The following SYNPO variants were observed in gnomAD, a reference collection of about 807,000 sequenced individuals.
The protein encoded by SYNPO is synaptopodin.
In SYNPO, 19 loss-of-function variants were observed where a neutral mutation model predicts 49.5. That is an observed-to-expected ratio of 0.38 (90% CI 0.27 to 0.56). The LOEUF is 0.56. Ranked by LOEUF, SYNPO falls within the 20% of genes least tolerant of loss-of-function variation. The pLI, the probability that SYNPO is intolerant of heterozygous loss-of-function variation, is 0.68. For missense variants in SYNPO, 1,131 were observed against 1,248.3 expected, an observed-to-expected ratio of 0.91 and a Z score of 1.42; for synonymous variants, 536 against 548.0, an observed-to-expected ratio of 0.98 and a Z score of 0.31.
At chr5:150,602,031 T>A (rs551956845) in intron 1 of SYNPO, among the ~76,000 whole-genome samples, 28 of 152,278 alleles carry the variant, frequency 1.8e-4, no homozygotes, top group Admixed American at 7.8e-4. Context: ...ACAGCTTCCT[T>A]ATGGCCATCG....
At position 150,648,457 on chromosome 5, in the gene SYNPO, A is replaced by G. The variant is rs998711559; in HGVS notation, c.182A>G (p.Glu61Gly). ...TCCTCACCGGCCCCACCTCCAGCTG[A>G]GGTCCACAGCCCAGCTGCAGATGTC... ...QQSSPAPPPAEVHSPAADVNQ... is the reference protein window; with the variant it reads ...QQSSPAPPPAGVHSPAADVNQ... The change falls in exon 2 of 3, where the codon GAG becomes GGG. Residue 61 changes from glutamate to glycine, a missense_variant. Transcript: ENST00000307662. This position sits in a 1 kb window ranked among gnomAD's most constrained non-coding sequence, Gnocchi z 5.0. The G allele has an allele frequency of 1.2e-6, 2 of 1,614,012 alleles. No individual in the cohort carries two copies. Among genetic ancestry groups the G allele is most frequent in the African/African-American group, 1.3e-5 (1 of 74,896 alleles).
intron 2 of SYNPO, among the ~76,000 whole-genome samples, chr5:150,628,018 TTCTG>T (rs1757414446): frequency 6.9e-6 from 1 of 145,048 alleles, no homozygotes; most frequent in Non-Finnish European, 1.5e-5. Flanking sequence ...GTGTGTGTGT[TTCTG>T]TGTGTGTGTG....
rs935555249 is a variant in SYNPO at position 150,656,503 on chromosome 5, C to T, written c.2128C>T (p.Pro710Ser). ...CTGGGTGAGCCCGGGCCCGTGGGAGCCAGGTCGCGGGAGCAGCATGAGCAG... is the reference window on the plus strand; with the variant it reads ...CTGGGTGAGCCCGGGCCCGTGGGAGTCAGGTCGCGGGAGCAGCATGAGCAG... ...DGWVSPGPWE[P>S]GRGSSMSSPP... Residue 710 changes from proline (P) to serine (S), a missense_variant, in exon 3 of 3, where the codon CCA (proline) becomes TCA (serine). Around this residue, in one of 4 missense-constraint regions of SYNPO, gnomAD observed 509 missense variants for 484.5 expected, o/e 1.05. Coordinates refer to ENST00000307662, the MANE Select transcript of SYNPO (RefSeq NM_007286.6). 8.5e-6 allele frequency: 13 copies of T among 1,532,148 alleles called. No individual in the cohort carries two copies. Among genetic ancestry groups the T allele is most frequent in the Admixed American group, 2.0e-5 (1 of 50,868 alleles). The allele number at this position is 1,532,148 out of a possible 1,614,324, so 94.9% of individuals were successfully genotyped here.
chr5:150,656,726 C>T lies in SYNPO; in HGVS notation c.2351C>T (p.Ser784Phe), dbSNP rs767009298. Reference sequence around the variant, plus strand: ...GGCGCCGAGAACCCGCGGCCCTTCTCCCCGCCGAGGGCGCCACCGCCCCCG... The same window carrying T: ...GGCGCCGAGAACCCGCGGCCCTTCTTCCCGCCGAGGGCGCCACCGCCCCCG... ...SAGAENPRPFSPPRAPPPPPP... is the reference protein window; with the variant it reads ...SAGAENPRPFFPPRAPPPPPP... The change falls in exon 3 of 3, where the codon TCC becomes TTC. Residue 784 changes from serine (S) to phenylalanine (F), a missense_variant. This residue lies in a region of SYNPO where 509 missense variants were observed against 484.5 expected (regional missense o/e 1.05). Coordinates refer to ENST00000307662, the MANE Select transcript of SYNPO (RefSeq NM_007286.6). 4 of 1,359,174 alleles carry T rather than the reference C, an allele frequency of 2.9e-6. No homozygotes were observed. In the Admixed American group the frequency reaches 1.3e-4, roughly 43 times the overall value. 84.2% of individuals were successfully genotyped at this position (1,359,174 alleles called of 1,614,324 possible). A position where few individuals can be genotyped will look rare whatever the true frequency, so the allele number is the denominator to read the frequency against.
intron 1 of SYNPO, among the ~76,000 whole-genome samples, chr5:150,647,005 G>A (rs1290736563): frequency 6.6e-6 from 1 of 152,164 alleles, no homozygotes; most frequent in Non-Finnish European, 1.5e-5. Flanking sequence ...CACTTTGGGA[G>A]GCCGAGGCGG....
chr5:150,588,875 C>A, the SYNPO span, among the ~76,000 whole-genome samples: 1 of 152,078 alleles, frequency 6.6e-6, no homozygotes, highest in African/African-American at 2.4e-5. Context: ...CAACTGAATT[C>A]TTAGTAAAAA....
chr5:150,645,513 G>C lies in SYNPO; in HGVS notation c.-332-2431G>C, dbSNP rs145985201. On this transcript the variant is annotated intron_variant, in intron 1 of 2. Coordinates refer to ENST00000307662, the MANE Select transcript of SYNPO (RefSeq NM_007286.6). ...GTGTGCCAGCTGGCCACTGGGGATA[G>C]AAAGAGAAATGGTTGCCTATGGTGA... Among the ~76,000 whole-genome samples, 350 of 152,348 alleles carry C rather than the reference G, an allele frequency of 2.3e-3. 8 individuals carry two copies. The South Asian group carries it at 0.036, about 16-fold the overall frequency.
chr5:150,601,512 C>CT (rs1479106046), intron 1 of SYNPO, among the ~76,000 whole-genome samples: 1 of 152,194 alleles, frequency 6.6e-6, no homozygotes, highest in Middle Eastern at 3.2e-3. Flanking sequence ...GGGTCATTTG[C>CT]ATCCGTACAA....
upstream of SYNPO, chr5:150,640,044 C>T (rs1757844747): frequency 3.8e-6 from 3 of 785,440 alleles, no homozygotes; most frequent in Non-Finnish European, 4.6e-6. Context: ...GAGCCAGCGT[C>T]TTCTCTAATA....
At chr5:150,614,226 G>A (rs550074511) in intron 1 of SYNPO, among the ~76,000 whole-genome samples, 38 of 152,336 alleles carry the variant, frequency 2.5e-4, no homozygotes, top group African/African-American at 9.1e-4. Context: ...GACATGTCCA[G>A]GGTCAGGCAG....
chr5:150,646,745 A>AT (rs1758107064), intron 1 of SYNPO, among the ~76,000 whole-genome samples: 2 of 142,632 alleles, frequency 1.4e-5, no homozygotes, highest in African/African-American at 6.2e-5. Flanking sequence ...ATAAATACAA[A>AT]TTAAAAAAAG....
chr5:150,627,780 G>A (rs1171698048), intron 2 of SYNPO, among the ~76,000 whole-genome samples: 1 of 152,128 alleles, frequency 6.6e-6, no homozygotes, highest in African/African-American at 2.4e-5. Context: ...CTGGAAGAAT[G>A]GGGAAGCTGG....
rs1236298112 is a variant in SYNPO, at chr5:150,658,938, CTG to C, written c.*1852_*1853del. 65 of 152,500 alleles carry C rather than the reference CTG, an allele frequency of 4.3e-4. No individual in the cohort carries two copies. Among genetic ancestry groups the C allele is most frequent in the African/African-American group, 1.5e-3 (64 of 41,564 alleles). 9.4% of individuals were successfully genotyped at this position (152,500 alleles called of 1,614,324 possible). The stretch of plus-strand genomic sequence containing the variant: ...GCTGGGTCCCTTGTAGCACAGGAGA[CTG>C]GGGCTAAGGGCCCCTCCCAGGGAAG... On this transcript the variant is annotated 3_prime_UTR_variant, in exon 3 of 3. Coordinates refer to ENST00000307662, the MANE Select transcript of SYNPO (RefSeq NM_007286.6).
chr5:150,609,838 C>T (rs1184010553), intron 1 of SYNPO, among the ~76,000 whole-genome samples: 1 of 151,980 alleles, frequency 6.6e-6, no homozygotes, highest in Non-Finnish European at 1.5e-5. Flanking sequence ...TGTGCCAGCC[C>T]TCTCCCCATC....
chr5:150,588,968 C>T, the SYNPO span, among the ~76,000 whole-genome samples: 17 of 152,060 alleles, frequency 1.1e-4, no homozygotes, highest in Non-Finnish European at 2.1e-4. Flanking sequence ...GAGCAATATT[C>T]GAGGCTATAT....
chr5:150,618,874 A>G, intron 2 of SYNPO: 1 of 1,378,522 alleles, frequency 7.3e-7, no homozygotes. Context: ...ACAGTAATTC[A>G]TCACAGTCCC....
intron 1 of SYNPO, among the ~76,000 whole-genome samples, chr5:150,610,499 C>T (rs1016077484): frequency 2.0e-5 from 3 of 152,180 alleles, no homozygotes; most frequent in Admixed American, 2.0e-4. Context: ...CAGTAGGTGC[C>T]TGCCTCATAA....
rs114171645 is a variant in SYNPO at position 150,618,727 on chromosome 5, C to T, written c.360C>T (p.Ser120=). ...AGGCCGGGCAGATGATGACAGCCAG[C>T]CCCAGCCCTGGCCCTGGGCCCAGAG... Residue 120 remains serine, a synonymous_variant, in exon 2 of 3, where the codon AGC becomes AGT. Coordinates refer to the SYNPO transcript ENST00000394243. 3,577 of 1,551,320 alleles carry T rather than the reference C, an allele frequency of 2.3e-3. 50 individuals are homozygous for T. The African/African-American group carries it at 0.038, about 16-fold the overall frequency.
At chr5:150,586,944 A>G in the SYNPO span, among the ~76,000 whole-genome samples, 3 of 152,284 alleles carry the variant, frequency 2.0e-5, no homozygotes, top group East Asian at 3.9e-4. Flanking sequence ...GGATTCATGG[A>G]TGGATATATG....
Sources: allele counts gnomAD v4.1 joint callset (sites outside exome capture counted in the v4.1 genomes callset), GRCh38; gene constraint gnomAD v4.1.1; regional missense constraint gnomAD v4.1.1; non-coding constraint Gnocchi (gnomAD v3.1); transcripts MANE v1.5; gene names NCBI Gene and HGNC (gene_info 2026-07-23, HGNC 2026-07-21).